Variants in PDE4B observed in about 807,000 individuals in gnomAD.
PDE4B encodes phosphodiesterase 4B.
Under a neutral mutation model 82.2 loss-of-function variants are expected in PDE4B, and 20 were observed. The ratio of observed to expected loss-of-function variants is 0.24; its 90% CI spans 0.17 to 0.35. The LOEUF is 0.35. Ranked by LOEUF, PDE4B falls within the 10% of genes least tolerant of loss-of-function variation. PDE4B has a pLI of 1.00. For missense variants in PDE4B, 655 were observed against 907.2 expected (o/e 0.72, Z 3.57); for synonymous variants, 320 against 318.9 (o/e 1.00, Z -0.04).
At chr1:65,851,445 A>G (rs575464624) in intron 1 of PDE4B, among the ~76,000 whole-genome samples, 2 of 152,148 alleles carry the variant, frequency 1.3e-5, no homozygotes, top group South Asian at 2.1e-4. Context: ...AACGTGAACA[A>G]TCTTAGTCTT....
chr1:66,271,052 C>T (rs1655438082), intron 7 of PDE4B, among the ~76,000 whole-genome samples: 1 of 152,150 alleles, frequency 6.6e-6, no homozygotes. Flanking sequence ...AAAGTTTACC[C>T]CAGAGCATCA....
intron 1 of PDE4B, among the ~76,000 whole-genome samples, chr1:65,810,629 G>A (rs1645807630): frequency 6.6e-6 from 1 of 152,016 alleles, no homozygotes; most frequent in Non-Finnish European, 1.5e-5. Context: ...AAATGGAGAG[G>A]TTCAGATTAA....
rs541318085 is a variant in PDE4B, at chr1:65,899,115, G to C, written c.-70-14130G>C. Among the ~76,000 whole-genome samples, 116 of 151,440 alleles carry C rather than the reference G, an allele frequency of 7.7e-4. 1 individual carries two copies. The highest frequency in any genetic ancestry group is 2.7e-3 in the African/African-American group (110 of 41,370). On this transcript the variant is annotated intron_variant, in intron 1 of 16. Coordinates refer to ENST00000341517, the MANE Select transcript of PDE4B (RefSeq NM_002600.4). ...ATCTACAACAAACTCAAACAAATCA[G>C]CAAGAAAAAAACAAAAAAATCCCAT...
At chr1:66,348,418 A>G (rs2101980134) in intron 8 of PDE4B, among the ~76,000 whole-genome samples, 1 of 152,234 alleles carries the variant, frequency 6.6e-6, no homozygotes. Flanking sequence ...GTCTTTCTCT[A>G]TTAACAGACA....
At chr1:65,813,753 T>C (rs1645846028) in intron 1 of PDE4B, among the ~76,000 whole-genome samples, 1 of 152,130 alleles carries the variant, frequency 6.6e-6, no homozygotes, top group South Asian at 2.1e-4. Flanking sequence ...AAGGATAACT[T>C]CAGGGTATTT....
intron 1 of PDE4B, among the ~76,000 whole-genome samples, chr1:65,794,934 A>G (rs999183780): frequency 6.6e-6 from 1 of 152,114 alleles, no homozygotes; most frequent in Non-Finnish European, 1.5e-5. Context: ...TTATGGCTTG[A>G]CATATTTTGC....
intron 3 of PDE4B, among the ~76,000 whole-genome samples, chr1:66,122,703 CTTTTTTTT>C (rs3036785): frequency 9.8e-5 from 11 of 111,960 alleles, no homozygotes; most frequent in Non-Finnish European, 1.4e-4. Flanking sequence ...CTCTTCTTTT[CTTTTTTTT>C]TTTTTTTTTT....
At chr1:66,331,051 A>C (rs1021699916) in intron 7 of PDE4B, among the ~76,000 whole-genome samples, 2 of 152,238 alleles carry the variant, frequency 1.3e-5, no homozygotes, top group Non-Finnish European at 2.9e-5. Flanking sequence ...ATTCTTTGAA[A>C]TATGCGTCTG....
chr1:65,953,448 TAAG>T (rs967921903), intron 3 of PDE4B, among the ~76,000 whole-genome samples: 78 of 152,062 alleles, frequency 5.1e-4, no homozygotes, highest in African/African-American at 1.7e-3. Context: ...AGGGTCTTTA[TAAG>T]AAGGAGGCAG....
chr1:66,021,782 C>G (rs1653134171), intron 3 of PDE4B, among the ~76,000 whole-genome samples: 1 of 152,100 alleles, frequency 6.6e-6, no homozygotes, highest in Non-Finnish European at 1.5e-5. Flanking sequence ...TTAGGATTGT[C>G]TTGGCAATGC....
intron 3 of PDE4B, among the ~76,000 whole-genome samples, chr1:66,033,980 T>C (rs1395116232): frequency 6.6e-6 from 1 of 152,202 alleles, no homozygotes; most frequent in Non-Finnish European, 1.5e-5. Flanking sequence ...GCCACACCCC[T>C]ATCCTGAACG....
chr1:65,952,332 A>G (rs1220730378), intron 3 of PDE4B, among the ~76,000 whole-genome samples: 1 of 152,092 alleles, frequency 6.6e-6, no homozygotes, highest in Non-Finnish European at 1.5e-5. Flanking sequence ...CATTTAAACT[A>G]GCTTTCCTAC....
At chr1:66,217,815 A>G (rs1262611252) in intron 3 of PDE4B, among the ~76,000 whole-genome samples, 1 of 152,140 alleles carries the variant, frequency 6.6e-6, no homozygotes, top group Admixed American at 6.6e-5. Flanking sequence ...ATATTTCAAT[A>G]TATTATGCTT....
Position 66,170,174 on chromosome 1 carries a change from C to G in PDE4B, c.282-77286C>G, listed in dbSNP as rs116550741. Reference sequence around the variant, plus strand: ...TGCACATTAGTTCCTCAACAACATTCGTGGATATGGTAGGTGTTGGTGATG... The same window carrying G: ...TGCACATTAGTTCCTCAACAACATTGGTGGATATGGTAGGTGTTGGTGATG... On this transcript the variant is annotated intron_variant, in intron 3 of 16. Transcript: ENST00000341517. Among the ~76,000 whole-genome samples, 1,126 of 152,126 alleles carry G rather than the reference C, an allele frequency of 7.4e-3. 17 individuals are homozygous for G. Among genetic ancestry groups the G allele is most frequent in the African/African-American group, 0.026 (1,066 of 41,500 alleles).
At chr1:66,350,609 G>A (rs1461806466) in intron 8 of PDE4B, among the ~76,000 whole-genome samples, 2 of 152,056 alleles carry the variant, frequency 1.3e-5, no homozygotes, top group African/African-American at 4.8e-5. Flanking sequence ...ATTCTGGACT[G>A]TTTTATTCTC....
chr1:66,195,059 T>C (rs959191904), intron 3 of PDE4B, among the ~76,000 whole-genome samples: 2 of 151,442 alleles, frequency 1.3e-5, no homozygotes, highest in African/African-American at 2.4e-5. Flanking sequence ...ACATTTGTTA[T>C]TCATTTGTTG....
chr1:66,175,216 T>C (rs1196568731), intron 3 of PDE4B, among the ~76,000 whole-genome samples: 1 of 152,208 alleles, frequency 6.6e-6, no homozygotes, highest in Non-Finnish European at 1.5e-5. Context: ...CAGTAAATAC[T>C]TCTTTATTGA....
At chr1:66,211,659 A>G (rs1371752618) in intron 3 of PDE4B, among the ~76,000 whole-genome samples, 7 of 152,230 alleles carry the variant, frequency 4.6e-5, no homozygotes, top group African/African-American at 1.2e-4. Flanking sequence ...GCCCTGGTTT[A>G]TAAATAAACT....
At chr1:66,109,280 T>G (rs1645433931) in intron 3 of PDE4B, among the ~76,000 whole-genome samples, 1 of 151,936 alleles carries the variant, frequency 6.6e-6, no homozygotes, top group African/African-American at 2.4e-5. Context: ...AGATAATTCT[T>G]TGAGCAAAAC....
Sources: gnomAD v4.1 joint callset for allele counts (sites outside exome capture counted in the v4.1 genomes callset) on GRCh38, gnomAD v4.1.1 for gene constraint, MANE v1.5 for transcripts, NCBI Gene and HGNC (gene_info 2026-07-23, HGNC 2026-07-21) for gene names.